Variants in PI4KA observed in about 807,000 individuals in gnomAD.
The protein encoded by PI4KA is PI4-kinase alpha.
PI4KA carries 122 observed loss-of-function variants against 271.4 expected under a neutral mutation model. The ratio of observed to expected loss-of-function variants is 0.45; its 90% confidence interval spans 0.39 to 0.52. The LOEUF (loss-of-function observed/expected upper bound fraction) is 0.52. PI4KA is among the 20% of genes least tolerant of loss of function. The pLI is 0.00. For synonymous variants in PI4KA, 1,041 were observed against 1,078.8 expected (o/e 0.96, Z 0.69); for missense variants, 1,969 against 2,769.1 (o/e 0.71, Z 6.48).
At chr22:20,726,180 T>G in intron 42 of PI4KA, 1 of 303,208 alleles carries the variant, frequency 3.3e-6, no homozygotes, top group Admixed American at 5.4e-5. Flanking sequence ...GAGGGCAGGA[T>G]TCAGGGATTT....
intron 29 of PI4KA, among the ~76,000 whole-genome samples, chr22:20,747,208 T>C (rs1468668319): frequency 6.6e-6 from 1 of 152,210 alleles, no homozygotes; most frequent in African/African-American, 2.4e-5. Context: ...AACAGAACTG[T>C]TCAGGAGTCC....
chr22:20,722,901 A>AT (rs749205246), intron 42 of PI4KA, among the ~76,000 whole-genome samples: 6 of 152,354 alleles, frequency 3.9e-5, no homozygotes, highest in Non-Finnish European at 7.3e-5. Flanking sequence ...GTTTTTAAAT[A>AT]TAAGTTTGCT....
At chr22:20,838,954 C>A (rs1001851987) in intron 1 of PI4KA, among the ~76,000 whole-genome samples, 1 of 152,190 alleles carries the variant, frequency 6.6e-6, no homozygotes, top group Non-Finnish European at 1.5e-5. Flanking sequence ...CAGTGGCTCA[C>A]ACCTGTAATC....
At chr22:20,734,012 G>C (rs549607007) in intron 34 of PI4KA, 31 bp downstream of exon 34, 2 of 1,549,718 alleles carry the variant, frequency 1.3e-6, no homozygotes, top group African/African-American at 2.7e-5. Context: ...CACACCAGGG[G>C]CCCTGTGCTC....
At position 20,783,844 on chromosome 22, in the gene PI4KA, G is replaced by A. The variant is rs551542499; in HGVS notation, c.2328+9349C>T. 150 of 1,257,752 alleles carry A rather than the reference G, an allele frequency of 1.2e-4. 3 individuals carry two copies. In the South Asian group the frequency reaches 1.8e-3, roughly 15 times the overall value. 77.9% of individuals were successfully genotyped at this position (1,257,752 alleles called of 1,614,324 possible). A position where few individuals can be genotyped will look rare whatever the true frequency, so the allele number is the denominator to read the frequency against. On this transcript the variant is annotated intron_variant, in intron 19 of 54. Transcript: ENST00000255882. ...GCCCAAATCAGGCCTCAGGAATCAA[G>A]AGACTGTGGGGTCGGCTCTGCAGGC...
intron 32 of PI4KA, among the ~76,000 whole-genome samples, chr22:20,738,841 A>T (rs1436217122): frequency 6.6e-6 from 1 of 152,144 alleles, no homozygotes; most frequent in Non-Finnish European, 1.5e-5. Context: ...GTGGGGTAAA[A>T]AGCAGGAAGA....
Position 20,818,488 on chromosome 22 carries a change from A to G in PI4KA, c.851T>C (p.Phe284Ser). The change falls in exon 7 of 55, where the codon TTT becomes TCT. Residue 284 changes from phenylalanine (F) to serine (S), a missense_variant. Physicochemically the swap from Phe to Ser is radical, Grantham distance 155. Transcript: ENST00000255882. ...TTCGGAAAGGTGAAGCCCACCTTCAAAGTAGTGAAAGGCAGATCCTCCAGG... is the reference window on the plus strand; with the variant it reads ...TTCGGAAAGGTGAAGCCCACCTTCAGAGTAGTGAAAGGCAGATCCTCCAGG... ...SSPGGSAFHY[F>S]EASCLPDGTA... The G allele has an allele frequency of 6.3e-7, 1 of 1,582,058 alleles. No homozygotes were observed.
intron 14 of PI4KA, among the ~76,000 whole-genome samples, chr22:20,800,105 T>G (rs361979): frequency 0.5 from 75,127 of 151,586 alleles, 19,142 homozygotes; most frequent in African/African-American, 0.6. Flanking sequence ...GATAGCATAG[T>G]AAACATCACA....
In PI4KA at chr22:20,761,374, T is replaced by G. The variant is rs1289540822; in HGVS notation, c.2721A>C (p.Ser907=). 1 of 1,609,940 alleles carries G rather than the reference T, an allele frequency of 6.2e-7. No homozygotes were observed. Among genetic ancestry groups the G allele is most frequent in the South Asian group, 1.1e-5 (1 of 91,020 alleles). ...YRLEYMRVLR[S]TDPDRFQVMF... ...TTACCTGGAAGCGATCAGGATCTGT[T>G]GAACGCAGTACCCTAAGAAGAAAAC... The change falls in exon 23 of 55, where the codon TCA becomes TCC. Residue 907 remains serine (S), a synonymous_variant. Transcript: ENST00000255882.
chr22:20,857,082 A>G (rs1343436602), intron 1 of PI4KA, among the ~76,000 whole-genome samples: 1 of 152,246 alleles, frequency 6.6e-6, no homozygotes, highest in East Asian at 1.9e-4. Flanking sequence ...CTATCTAATG[A>G]TAACAGTGCT....
At chr22:20,727,509 G>T (rs953333902) in intron 40 of PI4KA, 112 bp from the exon 41 acceptor site, 3 of 1,000,478 alleles carry the variant, frequency 3.0e-6, no homozygotes, top group East Asian at 5.3e-5. Context: ...TCTAAGCATC[G>T]GTAACCATGG....
intron 3 of PI4KA, among the ~76,000 whole-genome samples, chr22:20,832,242 A>G (rs780234598): frequency 1.3e-4 from 19 of 150,662 alleles, no homozygotes; most frequent in Non-Finnish European, 2.5e-4. Flanking sequence ...CAGCCTCCCA[A>G]GTAGCTGGGA....
At chr22:20,806,041 G>A (rs1373836916) in intron 10 of PI4KA, among the ~76,000 whole-genome samples, 2 of 152,116 alleles carry the variant, frequency 1.3e-5, no homozygotes, top group African/African-American at 4.8e-5. Context: ...GCAACACACA[G>A]CAGGGGTGGT....
At chr22:20,829,296 C>T (rs771161033) in intron 3 of PI4KA, among the ~76,000 whole-genome samples, 47 of 152,096 alleles carry the variant, frequency 3.1e-4, no homozygotes, top group Non-Finnish European at 5.7e-4. Flanking sequence ...AGGCTTTCTT[C>T]AGCTGGCAGA....
chr22:20,787,122 T>C, intron 19 of PI4KA: 5 of 1,458,952 alleles, frequency 3.4e-6, no homozygotes, highest in Non-Finnish European at 4.8e-6. Flanking sequence ...TTGTTTCCAT[T>C]CCAACAACGA....
At chr22:20,840,460 C>T (rs1043604635) in intron 1 of PI4KA, among the ~76,000 whole-genome samples, 1 of 152,178 alleles carries the variant, frequency 6.6e-6, no homozygotes, top group Admixed American at 6.5e-5. Context: ...AAGTTTAGAA[C>T]TGAAGTCTAG....
At chr22:20,725,151 C>A (rs1411112327) in intron 42 of PI4KA, among the ~76,000 whole-genome samples, 1 of 152,172 alleles carries the variant, frequency 6.6e-6, no homozygotes, top group Non-Finnish European at 1.5e-5. Flanking sequence ...CACAGGTGGG[C>A]CAGAGTGGTG....
chr22:20,770,817 A>G (rs1382798583), intron 19 of PI4KA, among the ~76,000 whole-genome samples: 6 of 152,100 alleles, frequency 3.9e-5, no homozygotes, highest in Admixed American at 3.3e-4. Context: ...TCAGCCTCCC[A>G]AAGTGCTGGG....
chr22:20,730,006 G>A lies in PI4KA; in HGVS notation c.4294C>T (p.Gln1432Ter). 1 of 1,614,068 alleles carries A rather than the reference G, an allele frequency of 6.2e-7. No individual in the cohort carries two copies. The highest frequency in any genetic ancestry group is 8.5e-7 in the Non-Finnish European group (1 of 1,180,000). ...TASQLVPPDN[Q>*]DTRSNLDITV... is the part of the protein sequence containing the mutation. ...ATGTCCAGGTTGCTCCGGGTGTCCT[G>A]ATTATCTGAGGGCAAACACATTGTT... Residue 1432 changes from glutamine to a stop codon, truncating the protein, a stop_gained, in exon 37 of 55, where the codon CAG becomes TAG. Transcript: ENST00000255882. LOFTEE classifies it high-confidence loss of function.
Sources: allele counts gnomAD v4.1 joint callset (sites outside exome capture counted in the v4.1 genomes callset), GRCh38; gene constraint gnomAD v4.1.1; transcripts MANE v1.5; gene names NCBI Gene and HGNC (gene_info 2026-07-23, HGNC 2026-07-21).